The following CLUH variants were observed in gnomAD, a reference collection of about 807,000 sequenced individuals.
CLUH encodes the protein clustered mitochondria protein homolog.
Under a neutral mutation model 139.3 loss-of-function variants are expected in CLUH, and 77 were observed. That is an observed-to-expected ratio of 0.55 (90% CI 0.46 to 0.67). The LOEUF is 0.67. Ranked by LOEUF, CLUH falls within the 30% of genes least tolerant of loss-of-function variation. CLUH has a pLI of 0.00. For missense variants in CLUH, 1,876 were observed against 1,875.8 expected, an observed-to-expected ratio of 1.00 and a Z score of 0.00; for synonymous variants, 999 against 801.6, an observed-to-expected ratio of 1.25 and a Z score of -4.16.
Position 2,691,752 on chromosome 17 carries a change from C to T in CLUH, c.3789+9G>A, listed in dbSNP as rs759761627. On this transcript the variant is annotated intron_variant, in intron 24 of 25. Transcript: ENST00000651024. Reference sequence around the variant, plus strand: ...CCGGGCCGGAGGGGCCGCTCCGCCCCGGACTCACCTTGAGGGGCGGGATGT... The same window carrying T: ...CCGGGCCGGAGGGGCCGCTCCGCCCTGGACTCACCTTGAGGGGCGGGATGT... The T allele has an allele frequency of 6.3e-6, 10 of 1,596,826 alleles. No homozygotes were observed. The African/African-American group carries it at 9.4e-5, about 15-fold the overall frequency.
chr17:2,707,351 G>C lies in CLUH; in HGVS notation c.101-2787C>G, dbSNP rs754620707. Reference sequence around the variant, plus strand: ...CGGGGCTGGAGCTCCGGCTGGCTTCGGGTTTCAGTGGGGCCAGGCCTGCCA... The same window carrying C: ...CGGGGCTGGAGCTCCGGCTGGCTTCCGGTTTCAGTGGGGCCAGGCCTGCCA... On this transcript the variant is annotated intron_variant, in intron 1 of 25. Coordinates refer to ENST00000651024, the MANE Select transcript of CLUH (RefSeq NM_001366661.1). This position sits in a 1 kb window ranked among gnomAD's most constrained non-coding sequence, Gnocchi z 7.4. 1.0e-6 allele frequency: 1 copy of C among 985,262 alleles called. No individual in the cohort carries two copies. The highest frequency in any genetic ancestry group is 1.7e-5 in the African/African-American group (1 of 57,220). 61.0% of individuals were successfully genotyped at this position (985,262 alleles called of 1,614,324 possible).
Position 2,690,657 on chromosome 17 carries a change from G to C in CLUH, c.3984C>G (p.Ala1328=), listed in dbSNP as rs748442357. 6.5e-7 allele frequency: 1 copy of C among 1,539,974 alleles called. No homozygotes were observed. Among genetic ancestry groups the C allele is most frequent in the Non-Finnish European group, 8.7e-7 (1 of 1,150,158 alleles). Residue 1328 remains alanine (A), a synonymous_variant, in exon 26 of 26, where the codon GCC becomes GCG. Transcript: ENST00000651024. ...GGGGCTGGGAGCCCAGGTCTCCTGG[G>C]GCCCCCGCTGGCGCGGGCTCGGTAG... is the stretch of plus-strand genomic sequence containing the variant. The part of the protein sequence containing the change: ...PMATEPAPAG[A]PGDLGSQPPA...
intron 1 of CLUH, among the ~76,000 whole-genome samples, chr17:2,709,357 G>A (rs1356422035): frequency 6.6e-6 from 1 of 152,184 alleles, no homozygotes; most frequent in Admixed American, 6.5e-5. Context: ...CTACAGACCA[G>A]GCACCTGTTT....
intron 10 of CLUH, among the ~76,000 whole-genome samples, chr17:2,697,472 C>A (rs1261403594): frequency 6.6e-6 from 1 of 151,940 alleles, no homozygotes; most frequent in African/African-American, 2.4e-5. Flanking sequence ...CAGGTCAGGG[C>A]TCTCAACAGT....
chr17:2,710,868 G>A (rs2070494162), intron 1 of CLUH, among the ~76,000 whole-genome samples: 2 of 152,230 alleles, frequency 1.3e-5, no homozygotes, highest in African/African-American at 2.4e-5. Flanking sequence ...ATCAAGTTCT[G>A]GCACAAACAC....
chr17:2,701,064 C>T (rs2070159227), intron 7 of CLUH, 76 bp downstream of exon 7: 2 of 1,607,316 alleles, frequency 1.2e-6, no homozygotes, highest in African/African-American at 1.3e-5. Context: ...GACAGAAGCA[C>T]TGGAGTGCAG....
At chr17:2,698,917 C>G (rs978206612) in intron 9 of CLUH, among the ~76,000 whole-genome samples, 13 of 152,054 alleles carry the variant, frequency 8.5e-5, no homozygotes, top group Non-Finnish European at 1.9e-4. Context: ...CGAGGTGGCG[C>G]GCGCCTGTAG....
At chr17:2,691,333 G>A (rs1597592334) in intron 25 of CLUH, among the ~76,000 whole-genome samples, 1 of 152,232 alleles carries the variant, frequency 6.6e-6, no homozygotes, top group East Asian at 1.9e-4. Flanking sequence ...AGAGGCCGAG[G>A]CGGGCGGATC....
At position 2,693,353 on chromosome 17, in the gene CLUH, G is replaced by A. The variant is rs544732405; in HGVS notation, c.3232-493C>T. ...TGAGGCTGCAGGGAGTCGATATCAC[G>A]CCACTACACTCCAGCCTGGGTGACA... On this transcript the variant is annotated intron_variant, in intron 19 of 25. Coordinates refer to ENST00000651024, the MANE Select transcript of CLUH (RefSeq NM_001366661.1). Among the ~76,000 whole-genome samples, 20 of 152,126 alleles carry A rather than the reference G, an allele frequency of 1.3e-4. No homozygotes were observed. The East Asian group carries it at 1.9e-3, about 15-fold the overall frequency.
chr17:2,698,035 A>C lies in CLUH; in HGVS notation c.1822T>G (p.Phe608Val). 1 of 1,605,738 alleles carries C rather than the reference A, an allele frequency of 6.2e-7. No individual in the cohort carries two copies. Among genetic ancestry groups the C allele is most frequent in the East Asian group, 2.2e-5 (1 of 44,800 alleles). Reference sequence around the variant, plus strand: ...GGCAGGAAGTTGAGGTCCGGGGGGAAGGTGCGCAGCAGGTCGAGGATGTAG... The same window carrying C: ...GGCAGGAAGTTGAGGTCCGGGGGGACGGTGCGCAGCAGGTCGAGGATGTAG... ...RHYILDLLRT[F>V]PPDLNFLPVP... Residue 608 changes from phenylalanine (F) to valine (V), a missense_variant, in exon 10 of 26, where the codon TTC (phenylalanine) becomes GTC (valine). Transcript: ENST00000651024.
At chr17:2,691,233 A>G (rs1043430446) in intron 25 of CLUH, among the ~76,000 whole-genome samples, 4 of 152,136 alleles carry the variant, frequency 2.6e-5, no homozygotes, top group Non-Finnish European at 5.9e-5. Context: ...AGAAACACCA[A>G]GGTCTTCACT....
chr17:2,695,802 T>C, intron 13 of CLUH: 2 of 582,626 alleles, frequency 3.4e-6, no homozygotes, highest in East Asian at 5.8e-5. Flanking sequence ...TCCTGAGGCT[T>C]GGAGGCCACG....
chr17:2,701,108 TGAGACAA>T, intron 7 of CLUH, 25 bp downstream of exon 7: 1 of 1,610,250 alleles, frequency 6.2e-7, no homozygotes, highest in Non-Finnish European at 8.5e-7. Flanking sequence ...CCGTGTGCCA[TGAGACAA>T]GGCGGGAGGG....
chr17:2,701,156 C>A lies in CLUH; in HGVS notation c.1009G>T (p.Val337Leu), dbSNP rs1373889510. Residue 337 changes from valine (V) to leucine (L), a missense_variant, in exon 7 of 26, where the codon GTG (valine) becomes TTG (leucine). Val to Leu is a conservative substitution (Grantham distance 32). Coordinates refer to ENST00000651024, the MANE Select transcript of CLUH (RefSeq NM_001366661.1). ...ISPTFKKNFAVLQKKRVQRHP... is the reference protein window; with the variant it reads ...ISPTFKKNFALLQKKRVQRHP... Reference sequence around the variant, plus strand: ...AGGCACTACCTTTTCTTCTGCAGCACAGCGAAGTTCTTCTTGAAGGTCGGG... The same window carrying A: ...AGGCACTACCTTTTCTTCTGCAGCAAAGCGAAGTTCTTCTTGAAGGTCGGG... 1.2e-6 allele frequency: 2 copies of A among 1,613,980 alleles called. No individual in the cohort carries two copies. The highest frequency in any genetic ancestry group is 2.2e-5 in the South Asian group (2 of 91,086).
chr17:2,701,545 G>A, intron 5 of CLUH, 25 bp from the exon 6 acceptor site: 3 of 1,613,312 alleles, frequency 1.9e-6, no homozygotes, highest in South Asian at 2.2e-5. Context: ...GAGTCTGAGG[G>A]GCCAGGCCTC....
intron 10 of CLUH, 73 bp downstream of exon 10, chr17:2,697,823 C>A: frequency 2.9e-6 from 4 of 1,372,368 alleles, no homozygotes; most frequent in Non-Finnish European, 3.8e-6. Context: ...AAGGACCCAA[C>A]CCCGGATCCA....
Position 2,691,784 on chromosome 17 carries a change from T to G in CLUH, c.3766A>C (p.Ser1256Arg). Residue 1256 changes from serine (S) to arginine (R), a missense_variant, in exon 24 of 26, where the codon AGC becomes CGC. Coordinates refer to ENST00000651024, the MANE Select transcript of CLUH (RefSeq NM_001366661.1). ...ACCTTGAGGGGCGGGATGTTGGCGC[T>G]GGAGCCGTTGCGGTAGATCTCGTTC... is the stretch of plus-strand genomic sequence containing the variant. ...TMNEIYRNGSSANIPPLKFTA... is the reference protein window; with the variant it reads ...TMNEIYRNGSRANIPPLKFTA... The G allele has an allele frequency of 6.3e-7, 1 of 1,591,986 alleles. No homozygotes were observed. Among genetic ancestry groups the G allele is most frequent in the South Asian group, 1.1e-5 (1 of 88,132 alleles).
At position 2,693,961 on chromosome 17, in the gene CLUH, T is replaced by G. The variant is rs376805113; in HGVS notation, c.3170A>C (p.Glu1057Ala). 1.4e-5 allele frequency: 22 copies of G among 1,613,668 alleles called. No individual in the cohort carries two copies. Among genetic ancestry groups the G allele is most frequent in the Non-Finnish European group, 1.4e-5 (17 of 1,179,856 alleles). ...GAGGAGGCGCAGGCAGGCGCAGGTC[T>G]CCACGTGCATGGCTCCGTAGACGTT... ...FNNVYGAMHV[E>A]TCACLRLLAR... The change falls in exon 19 of 26, where the codon GAG (glutamate) becomes GCG (alanine). Residue 1057 changes from glutamate to alanine, a missense_variant. By Grantham distance (107) the Glu-to-Ala change is moderately radical. Coordinates refer to ENST00000651024, the MANE Select transcript of CLUH (RefSeq NM_001366661.1).
Position 2,690,420 on chromosome 17 carries a change from C to T in CLUH, c.*174G>A, listed in dbSNP as rs1418345689. The stretch of plus-strand genomic sequence containing the variant: ...TCTATTCATTGAACCAGCGCAAAAA[C>T]ACCTTCTGCGGGGCAGGCAGGCCAG... On this transcript the variant is annotated 3_prime_UTR_variant, in exon 26 of 26. Coordinates refer to ENST00000651024, the MANE Select transcript of CLUH (RefSeq NM_001366661.1). 1 of 491,530 alleles carries T rather than the reference C, an allele frequency of 2.0e-6. No individual in the cohort carries two copies. The highest frequency in any genetic ancestry group is 3.4e-6 in the Non-Finnish European group (1 of 293,714). The allele number at this position is 491,530 out of a possible 1,614,324, so 30.4% of individuals were successfully genotyped here.
Sources: gnomAD v4.1 joint callset for allele counts (sites outside exome capture counted in the v4.1 genomes callset) on GRCh38, gnomAD v4.1.1 for gene constraint, Gnocchi (gnomAD v3.1) non-coding constraint, MANE v1.5 for transcripts, NCBI Gene and HGNC (gene_info 2026-07-23, HGNC 2026-07-21) for gene names.